The following DOK6 variants were observed in gnomAD, a reference collection of about 807,000 sequenced individuals.
The protein encoded by DOK6 is downstream of tyrosine kinase 6.
DOK6 carries 22 observed loss-of-function variants against 44.0 expected under a neutral mutation model. The ratio of observed to expected loss-of-function variants is 0.50; its 90% CI spans 0.36 to 0.71. The LOEUF (loss-of-function observed/expected upper bound fraction) is 0.71. Ranked by LOEUF, DOK6 falls within the 30% of genes least tolerant of loss-of-function variation. The pLI is 0.00. For synonymous variants in DOK6, 166 were observed against 145.5 expected, an observed-to-expected ratio of 1.14 and a Z score of -1.01; for missense variants, 340 against 416.4, an observed-to-expected ratio of 0.82 and a Z score of 1.60.
At chr18:69,441,880 A>C (rs147925260) in intron 1 of DOK6, among the ~76,000 whole-genome samples, 1,685 of 152,248 alleles carry the variant, frequency 0.011, 12 homozygotes, top group South Asian at 0.027. Flanking sequence ...GGAGACAATA[A>C]GGCATTTTGG....
chr18:69,674,131 A>T (rs1034333695), intron 3 of DOK6, among the ~76,000 whole-genome samples: 1 of 152,250 alleles, frequency 6.6e-6, no homozygotes, highest in African/African-American at 2.4e-5. Flanking sequence ...GCAATGAAAG[A>T]TTAAAAGACT....
chr18:69,421,096 AG>A (rs1490876007), intron 1 of DOK6, among the ~76,000 whole-genome samples: 3 of 152,178 alleles, frequency 2.0e-5, no homozygotes, highest in Non-Finnish European at 4.4e-5. Context: ...AGATTAAGAC[AG>A]GTTCTCAATT....
intron 3 of DOK6, among the ~76,000 whole-genome samples, chr18:69,612,393 G>C (rs984420429): frequency 5.9e-5 from 9 of 152,276 alleles, no homozygotes; most frequent in Non-Finnish European, 1.2e-4. Context: ...TGAGCACGAA[G>C]AGACTTTGTG....
chr18:69,645,710 CA>C (rs1367603242), intron 3 of DOK6, among the ~76,000 whole-genome samples: 1 of 151,776 alleles, frequency 6.6e-6, no homozygotes, highest in Non-Finnish European at 1.5e-5. Flanking sequence ...CTTAGGTCTA[CA>C]AAAAAAACCT....
intron 3 of DOK6, among the ~76,000 whole-genome samples, chr18:69,622,395 C>T (rs746325528): frequency 1.7e-4 from 26 of 152,166 alleles, no homozygotes; most frequent in Non-Finnish European, 2.5e-4. Flanking sequence ...ATTTCTTGGG[C>T]AGAATATGTC....
At chr18:69,606,782 A>ACAG (rs2144627395) in intron 3 of DOK6, among the ~76,000 whole-genome samples, 1 of 103,164 alleles carries the variant, frequency 9.7e-6, no homozygotes, top group South Asian at 2.8e-4. Flanking sequence ...TTTTTTGGAG[A>ACAG]CAGAGTCTCT....
chr18:69,819,580 T>C lies in DOK6; in HGVS notation c.857-21664T>C, dbSNP rs150765402. Among the ~76,000 whole-genome samples the C allele has an allele frequency of 5.1e-3, 779 of 152,290 alleles. 5 individuals carry two copies. Among genetic ancestry groups the C allele is most frequent in the African/African-American group, 0.016 (669 of 41,574 alleles). On this transcript the variant is annotated intron_variant, in intron 7 of 7. Transcript: ENST00000382713. ...AGAAATTTTTAAGTGAACAATACAG[T>C]GCTAAAATGACAATGTTATACGACA...
intron 3 of DOK6, among the ~76,000 whole-genome samples, chr18:69,638,765 C>T (rs899592394): frequency 5.9e-5 from 9 of 152,126 alleles, no homozygotes; most frequent in Admixed American, 1.3e-4. Flanking sequence ...GAATCATTCT[C>T]TAAAGGATTT....
chr18:69,606,914 CCTAT>C (rs1463232492), intron 3 of DOK6, among the ~76,000 whole-genome samples: 2 of 151,902 alleles, frequency 1.3e-5, no homozygotes, highest in African/African-American at 2.4e-5. Context: ...AAAAAATAAG[CCTAT>C]CTATCTAAAT....
intron 6 of DOK6, among the ~76,000 whole-genome samples, chr18:69,741,696 T>C (rs1294190902): frequency 6.6e-6 from 1 of 152,008 alleles, no homozygotes; most frequent in Admixed American, 6.6e-5. Flanking sequence ...GGGGTCTTAC[T>C]GTGTTGCCCA....
intron 1 of DOK6, among the ~76,000 whole-genome samples, chr18:69,536,725 G>A (rs146290942): frequency 3.4e-4 from 51 of 151,988 alleles, no homozygotes; most frequent in African/African-American, 1.1e-3. Flanking sequence ...GTAGTCACAT[G>A]TATTGATATA....
intron 1 of DOK6, among the ~76,000 whole-genome samples, chr18:69,529,046 C>A (rs370314855): frequency 3.9e-5 from 6 of 152,252 alleles, no homozygotes; most frequent in African/African-American, 1.2e-4. Context: ...GTTTAGTACT[C>A]TTATTCTCCC....
At chr18:69,607,899 G>C (rs1402924445) in intron 3 of DOK6, among the ~76,000 whole-genome samples, 1 of 152,088 alleles carries the variant, frequency 6.6e-6, no homozygotes, top group Admixed American at 6.6e-5. Flanking sequence ...GCAGGTAACA[G>C]ATAAAATGTT....
chr18:69,546,259 A>G (rs1982400987), intron 1 of DOK6, among the ~76,000 whole-genome samples: 1 of 150,746 alleles, frequency 6.6e-6, no homozygotes, highest in Admixed American at 6.6e-5. Context: ...CTTGGACAAC[A>G]AGAGCAAAAC....
rs563827904 is a variant in DOK6 at position 69,744,650 on chromosome 18, C to T, written c.738+5547C>T. The stretch of plus-strand genomic sequence containing the variant: ...AACAACAAAACCTCACTTGGCTGGG[C>T]GGGGTGGCTCACGCCTGTAACCCCT... On this transcript the variant is annotated intron_variant, in intron 6 of 7. Transcript: ENST00000382713. Among the ~76,000 whole-genome samples the T allele has an allele frequency of 8.5e-5, 13 of 152,092 alleles. No individual in the cohort carries two copies. The South Asian group carries it at 1.2e-3, about 15-fold the overall frequency.
chr18:69,496,050 G>A (rs1429199469), intron 1 of DOK6, among the ~76,000 whole-genome samples: 2 of 152,198 alleles, frequency 1.3e-5, no homozygotes, highest in African/African-American at 4.8e-5. Context: ...TTGTATGGCT[G>A]TAGCTGCACC....
At chr18:69,642,394 A>T (rs1182367039) in intron 3 of DOK6, among the ~76,000 whole-genome samples, 1 of 151,996 alleles carries the variant, frequency 6.6e-6, no homozygotes, top group Non-Finnish European at 1.5e-5. Context: ...TTTGCTAGGC[A>T]TGGTAGTGGT....
chr18:69,522,001 T>C (rs1392443018), intron 1 of DOK6, among the ~76,000 whole-genome samples: 1 of 151,816 alleles, frequency 6.6e-6, no homozygotes, highest in East Asian at 1.9e-4. Flanking sequence ...TATTTAAATA[T>C]GAACCTTCAG....
intron 5 of DOK6, among the ~76,000 whole-genome samples, chr18:69,713,939 A>G (rs1986825864): frequency 6.6e-6 from 1 of 152,216 alleles, no homozygotes; most frequent in Non-Finnish European, 1.5e-5. Context: ...GTGAAAATAA[A>G]TTATAGATTC....
Sources: allele counts gnomAD v4.1 joint callset (sites outside exome capture counted in the v4.1 genomes callset), GRCh38; gene constraint gnomAD v4.1.1; transcripts MANE v1.5; gene names NCBI Gene and HGNC (gene_info 2026-07-23, HGNC 2026-07-21).